Variants in NUP153 observed in about 807,000 individuals in gnomAD.
The protein encoded by NUP153 is nuclear pore complex protein Nup153.
NUP153 carries 27 observed loss-of-function variants against 134.6 expected under a neutral mutation model. That is an observed-to-expected ratio of 0.20 (90% CI 0.15 to 0.28). The LOEUF (loss-of-function observed/expected upper bound fraction) is 0.28, where lower values mean the gene tolerates loss of function less well. Ranked by LOEUF, NUP153 falls within the 10% of genes least tolerant of loss-of-function variation. The probability of loss-of-function intolerance (pLI) is 1.00; values close to 1 mark genes in which losing one functional copy is unlikely to be tolerated. For missense variants in NUP153, 1,821 were observed against 1,731.3 expected, an observed-to-expected ratio of 1.05 and a Z score of -0.92; for synonymous variants, 640 against 623.5, an observed-to-expected ratio of 1.03 and a Z score of -0.40.
At chr6:17,666,078 G>C (rs1268440208) in intron 8 of NUP153, among the ~76,000 whole-genome samples, 2 of 151,402 alleles carry the variant, frequency 1.3e-5, no homozygotes, top group Non-Finnish European at 2.9e-5. Context: ...TTCTGCCTCA[G>C]CCTCTCAAAG....
chr6:17,701,194 C>A (rs1431329542), intron 1 of NUP153, among the ~76,000 whole-genome samples: 1 of 150,696 alleles, frequency 6.6e-6, no homozygotes. Context: ...CGTTGCACTC[C>A]AGCCTGGGCA....
intron 1 of NUP153, among the ~76,000 whole-genome samples, chr6:17,690,665 CAAAG>C (rs1451447950): frequency 6.6e-5 from 10 of 151,654 alleles, no homozygotes; most frequent in Non-Finnish European, 2.9e-5. Flanking sequence ...AGTAGGATTT[CAAAG>C]AAAGAGTCAA....
chr6:17,669,081 C>CT (rs371772324), intron 7 of NUP153, 53 bp from the exon 8 acceptor site: 153,020 of 917,666 alleles, frequency 0.17, 936 homozygotes, highest in South Asian at 0.18. Context: ...TGAAAAATAC[C>CT]TTTTTTTTTT....
At chr6:17,618,597 G>A (rs1341241344) in intron 20 of NUP153, among the ~76,000 whole-genome samples, 2 of 145,970 alleles carry the variant, frequency 1.4e-5, no homozygotes, top group South Asian at 2.1e-4. Context: ...ATGGAGTCTG[G>A]CTCTGTTGCC....
Position 17,615,772 on chromosome 6 carries a change from A to G in NUP153, c.*325T>C, listed in dbSNP as rs968662504. On this transcript the variant is annotated 3_prime_UTR_variant, in exon 22 of 22. Transcript: ENST00000262077. The surrounding 1 kb of genome is among the most constrained non-coding windows in gnomAD (Gnocchi z 5.7). ...CTTATCAGCGCACATAATGGTGTAGACAAAGAGGTTCTATACAAAGCCATT... is the reference window on the plus strand; with the variant it reads ...CTTATCAGCGCACATAATGGTGTAGGCAAAGAGGTTCTATACAAAGCCATT... The G allele has an allele frequency of 4.3e-6, 1 of 232,598 alleles. No homozygotes were observed. Among genetic ancestry groups the G allele is most frequent in the Admixed American group, 5.5e-5 (1 of 18,294 alleles). The allele number at this position is 232,598 out of a possible 1,614,324, so 14.4% of individuals were successfully genotyped here. A position where few individuals can be genotyped will look rare whatever the true frequency, so the allele number is the denominator to read the frequency against.
At position 17,624,824 on chromosome 6, in the gene NUP153, AAGG is replaced by A; in HGVS notation, c.3908_3910del (p.Ser1303del). 6.2e-7 allele frequency: 1 copy of A among 1,601,230 alleles called. No homozygotes were observed. Among genetic ancestry groups the A allele is most frequent in the African/African-American group, 1.3e-5 (1 of 74,754 alleles). ...TGCTGAGGGTCCAGTTCCAAATACA[AAGG>A]AGGATCCTGGAGGCCCAAAGAAACA... On this transcript the variant is annotated inframe_deletion, in exon 20 of 22. Coordinates refer to ENST00000262077, the MANE Select transcript of NUP153 (RefSeq NM_005124.4).
At chr6:17,636,048 T>G (rs1765531074) in intron 16 of NUP153, among the ~76,000 whole-genome samples, 1 of 151,978 alleles carries the variant, frequency 6.6e-6, no homozygotes. Context: ...TAATGAAGAT[T>G]CTAGGCCGGG....
At chr6:17,676,395 T>C (rs905834115) in intron 2 of NUP153, among the ~76,000 whole-genome samples, 1 of 151,740 alleles carries the variant, frequency 6.6e-6, no homozygotes, top group African/African-American at 2.4e-5. Context: ...TGTATCTTTA[T>C]ACTTCTGCAC....
chr6:17,654,463 A>C (rs1431857426), intron 11 of NUP153, among the ~76,000 whole-genome samples: 7 of 152,070 alleles, frequency 4.6e-5, no homozygotes, highest in Admixed American at 4.6e-4. Flanking sequence ...CTGGGACTAC[A>C]GGCACCTGCC....
rs200562896 is a variant in NUP153, at chr6:17,689,539, C to CTT, written c.112-923_112-922dup. On this transcript the variant is annotated intron_variant, in intron 1 of 21. Transcript: ENST00000262077. ...GTGATTAATTTTATTACGGTAACTT[C>CTT]TTTTTTTTTTTTTTGAGACGGAGTT... Among the ~76,000 whole-genome samples the CTT allele has an allele frequency of 4.3e-3, 613 of 143,746 alleles. 3 individuals carry two copies. Among genetic ancestry groups the CTT allele is most frequent in the African/African-American group, 0.014 (546 of 39,384 alleles). The allele number at this position is 143,746 out of a possible 152,430, so 94.3% of individuals were successfully genotyped here.
chr6:17,628,550 A>G lies in NUP153; in HGVS notation c.3544+105T>C, dbSNP rs780165703. The G allele has an allele frequency of 1.9e-6, 1 of 515,208 alleles. No homozygotes were observed. The allele number at this position is 515,208 out of a possible 1,614,324, so 31.9% of individuals were successfully genotyped here. A position where few individuals can be genotyped will look rare whatever the true frequency, so the allele number is the denominator to read the frequency against. On this transcript the variant is annotated intron_variant, in intron 18 of 21. Coordinates refer to ENST00000262077, the MANE Select transcript of NUP153 (RefSeq NM_005124.4). The surrounding 1 kb of genome is among the most constrained non-coding windows in gnomAD (Gnocchi z 5.4). ...AGTTCTGTATTTCTCAACTATGTTC[A>G]GTGTAAACCATTAATTGACTTGCTG...
intron 17 of NUP153, among the ~76,000 whole-genome samples, chr6:17,631,898 C>T (rs1332933653): frequency 1.3e-5 from 2 of 151,952 alleles, no homozygotes; most frequent in East Asian, 3.9e-4. Flanking sequence ...ACCCAGGAGG[C>T]GGAGCTTGCA....
chr6:17,642,100 C>T (rs1327197293), intron 14 of NUP153, among the ~76,000 whole-genome samples: 1 of 151,996 alleles, frequency 6.6e-6, no homozygotes, highest in Non-Finnish European at 1.5e-5. Context: ...GATCAATATC[C>T]TAAATATGAC....
At chr6:17,660,957 T>G (rs1275324003) in intron 11 of NUP153, among the ~76,000 whole-genome samples, 1 of 152,032 alleles carries the variant, frequency 6.6e-6, no homozygotes, top group African/African-American at 2.4e-5. Flanking sequence ...ATATAAGCAG[T>G]GAAATTAAAA....
Position 17,624,561 on chromosome 6 carries a change from T to C in NUP153, c.4174A>G (p.Ser1392Gly). 1 of 1,613,660 alleles carries C rather than the reference T, an allele frequency of 6.2e-7. No individual in the cohort carries two copies. Among genetic ancestry groups the C allele is most frequent in the Non-Finnish European group, 8.5e-7 (1 of 1,179,738 alleles). Residue 1392 changes from serine to glycine, a missense_variant and splice_region_variant, in exon 20 of 22, where the codon AGT (serine) becomes GGT (glycine). Ser to Gly is a moderately conservative substitution (Grantham distance 56, BLOSUM62 0). Transcript: ENST00000262077. ...ACTAACAGCATCACAGCACACTTAC[T>C]AGAATTAGGAGTTGTTCCAGAGCCA... ...AFGSGTTPNS[S>G]SAFQFGSSTT...
At chr6:17,620,642 CA>C (rs1764601516) in intron 20 of NUP153, among the ~76,000 whole-genome samples, 1 of 152,120 alleles carries the variant, frequency 6.6e-6, no homozygotes, top group African/African-American at 2.4e-5. Flanking sequence ...CCGTCCAACA[CA>C]AATTCATAAA....
rs1040810210 is a variant in NUP153 at position 17,633,000 on chromosome 6, T to C, written c.2465-156A>G. On this transcript the variant is annotated intron_variant, in intron 16 of 21. Coordinates refer to ENST00000262077, the MANE Select transcript of NUP153 (RefSeq NM_005124.4). ...AGAATGTGCCAGAAATAGACAACTGTTCATATTTACATTGTTTAAAAAAAA... is the reference window on the plus strand; with the variant it reads ...AGAATGTGCCAGAAATAGACAACTGCTCATATTTACATTGTTTAAAAAAAA... 1.4e-4 allele frequency among the ~76,000 whole-genome samples: 21 copies of C among 152,284 alleles called. 1 individual carries two copies. Among genetic ancestry groups the C allele is most frequent in the South Asian group, 1.2e-3 (6 of 4,826 alleles).
At chr6:17,665,422 A>G in intron 8 of NUP153, 37 bp from the exon 9 acceptor site, 1 of 1,533,512 alleles carries the variant, frequency 6.5e-7, no homozygotes, top group Non-Finnish European at 8.9e-7. Context: ...ATTTATTTTC[A>G]TATAAATCAA....
rs759278619 is a variant in NUP153 at position 17,669,045 on chromosome 6, A to C, written c.1015-17T>G. 2.5e-5 allele frequency: 37 copies of C among 1,453,004 alleles called. No homozygotes were observed. The highest frequency in any genetic ancestry group is 1.8e-4 in the Middle Eastern group (1 of 5,458). 90.0% of individuals were successfully genotyped at this position (1,453,004 alleles called of 1,614,324 possible). On this transcript the variant is annotated splice_polypyrimidine_tract_variant and intron_variant, in intron 7 of 21. Coordinates refer to ENST00000262077, the MANE Select transcript of NUP153 (RefSeq NM_005124.4). The stretch of plus-strand genomic sequence containing the variant: ...ATCAAGAGGCTGAAAAAAAAAAAAA[A>C]CACTATTAGAATAGATGGGGAGTTA...
Sources: allele counts gnomAD v4.1 joint callset (sites outside exome capture counted in the v4.1 genomes callset), GRCh38; gene constraint gnomAD v4.1.1; non-coding constraint Gnocchi (gnomAD v3.1); transcripts MANE v1.5; gene names NCBI Gene and HGNC (gene_info 2026-07-23, HGNC 2026-07-21).